The following DNAAF3 variants were observed in gnomAD, a reference collection of about 807,000 sequenced individuals.
The protein encoded by DNAAF3 is dynein axonemal assembly factor 3, also known as UPF0470 protein C19orf51.
In DNAAF3, 40 loss-of-function variants were observed where a neutral mutation model predicts 50.9. The observed-to-expected ratio is 0.79, with a 90% confidence interval of 0.61 to 1.02. DNAAF3 has a LOEUF of 1.02. DNAAF3 is among the 50% of genes least tolerant of loss of function. The pLI is 0.00. For missense variants in DNAAF3, 763 were observed against 744.7 expected, an observed-to-expected ratio of 1.02 and a Z score of -0.29; for synonymous variants, 327 against 322.8, an observed-to-expected ratio of 1.01 and a Z score of -0.14.
Position 55,161,016 on chromosome 19 carries a change from A to G in DNAAF3, c.912+49T>C. ...TGTGGGGGCGGGGCCTTGCGCACCC[A>G]CCGACCCCCAGCCCCACCTCTACCC... On this transcript the variant is annotated intron_variant, in intron 8 of 11. Transcript: ENST00000524407. This position sits in a 1 kb window ranked among gnomAD's most constrained non-coding sequence, Gnocchi z 6.4. 6.7e-7 allele frequency: 1 copy of G among 1,497,202 alleles called. No homozygotes were observed. The highest frequency in any genetic ancestry group is 8.9e-7 in the Non-Finnish European group (1 of 1,124,406). The allele number at this position is 1,497,202 out of a possible 1,614,324, so 92.7% of individuals were successfully genotyped here.
rs1234062775 is a variant in DNAAF3, at chr19:55,161,362, A to G, written c.720T>C (p.Phe240=). ...FRRWRDTGVA[F]ELRDSSAYHV... ...GATAGGCGCTGGAGTCCCTGAGTTC[A>G]AAGGCGACGCCTGTGTCCCGCCAGC... The change falls in exon 7 of 12, where the codon TTT becomes TTC. Residue 240 remains phenylalanine, a synonymous_variant. Coordinates refer to ENST00000524407, the MANE Select transcript of DNAAF3 (RefSeq NM_001256715.2). The surrounding 1 kb of genome is among the most constrained non-coding windows in gnomAD (Gnocchi z 6.4). The G allele has an allele frequency of 4.5e-6, 7 of 1,572,698 alleles. No homozygotes were observed. Among genetic ancestry groups the G allele is most frequent in the Non-Finnish European group, 5.2e-6 (6 of 1,155,620 alleles).
chr19:55,161,696 C>A lies in DNAAF3; in HGVS notation c.610G>T (p.Ala204Ser). 6.5e-7 allele frequency: 1 copy of A among 1,540,730 alleles called. No homozygotes were observed. The highest frequency in any genetic ancestry group is 8.7e-7 in the Non-Finnish European group (1 of 1,146,362). Residue 204 changes from alanine to serine, a missense_variant, in exon 6 of 12, where the codon GCC becomes TCC. By Grantham distance (99) the Ala-to-Ser change is moderately conservative (BLOSUM62 1). Transcript: ENST00000524407. This position sits in a 1 kb window ranked among gnomAD's most constrained non-coding sequence, Gnocchi z 6.4. ...TCCCAGTCGCTGACACCGCGCCGGG[C>A]GTCGTAGCGGGAGCCCAGGTAGTGG... Reference protein sequence around the residue: ...LRHYLGSRYDARRGVSDWDLR... With the variant: ...LRHYLGSRYDSRRGVSDWDLR...
Position 55,161,420 on chromosome 19 carries a change from TG to T in DNAAF3, c.664-3del. 1 of 548,130 alleles carries T rather than the reference TG, an allele frequency of 1.8e-6. No homozygotes were observed. Among genetic ancestry groups the T allele is most frequent in the Non-Finnish European group, 3.1e-6 (1 of 321,710 alleles). 34.0% of individuals were successfully genotyped at this position (548,130 alleles called of 1,614,324 possible). A position where few individuals can be genotyped will look rare whatever the true frequency, so the allele number is the denominator to read the frequency against. ...CTCCTGGGGGTGAATGACTTGAGCC[TG>T]GGGTGGGGGGCGGGAAGAAGGGAGC... On this transcript the variant is annotated splice_region_variant and splice_polypyrimidine_tract_variant and intron_variant, in intron 6 of 11. Transcript: ENST00000524407. This position sits in a 1 kb window ranked among gnomAD's most constrained non-coding sequence, Gnocchi z 6.4.
intron 4 of DNAAF3, among the ~76,000 whole-genome samples, chr19:55,164,593 C>T (rs2085903720): frequency 6.6e-6 from 1 of 150,794 alleles, no homozygotes; most frequent in Admixed American, 6.6e-5. Context: ...GGTGTGATCT[C>T]GGCTCACTGC....
At position 55,159,226 on chromosome 19, in the gene DNAAF3, G is replaced by C; in HGVS notation, c.1462C>G (p.Pro488Ala). The change falls in exon 12 of 12, where the codon CCA (proline) becomes GCA (alanine). Residue 488 changes from proline (P) to alanine (A), a missense_variant. Coordinates refer to ENST00000524407, the MANE Select transcript of DNAAF3 (RefSeq NM_001256715.2). ...ILAQPLEASN[P>A]ALEGLTQPLQ... ...GGCTGGGTCAGGCCCTCAAGGGCTG[G>C]GTTGCTGGCTTCAAGAGGCTGGGCC... The C allele has an allele frequency of 3.1e-6, 5 of 1,613,942 alleles. No individual in the cohort carries two copies. The highest frequency in any genetic ancestry group is 4.2e-6 in the Non-Finnish European group (5 of 1,180,010).
intron 4 of DNAAF3, 128 bp downstream of exon 4, chr19:55,165,242 C>T (rs1395249625): frequency 1.5e-5 from 13 of 885,364 alleles, no homozygotes; most frequent in South Asian, 3.0e-5. Flanking sequence ...GGCGCGATCT[C>T]GGCTCACTGT....
Position 55,159,873 on chromosome 19 carries a change from G to T in DNAAF3, c.1163+26C>A, listed in dbSNP as rs949349417. ...GCTGGGGGCCTGATCCTGGGTCTTTGTGAGCACAGCTGCCTCCCCGCTTAC... is the reference window on the plus strand; with the variant it reads ...GCTGGGGGCCTGATCCTGGGTCTTTTTGAGCACAGCTGCCTCCCCGCTTAC... On this transcript the variant is annotated intron_variant, in intron 10 of 11. Coordinates refer to ENST00000524407, the MANE Select transcript of DNAAF3 (RefSeq NM_001256715.2). 4.3e-6 allele frequency: 7 copies of T among 1,610,062 alleles called. No homozygotes were observed. The Admixed American group carries it at 6.7e-5, about 15-fold the overall frequency.
Position 55,160,511 on chromosome 19 carries a change from G to C in DNAAF3, c.1048+129C>G. The stretch of plus-strand genomic sequence containing the variant: ...AGAATTTAGGAAAGGGAGAGAAAGA[G>C]AGAAAAAGAGACAGAATATCAAGAA... On this transcript the variant is annotated intron_variant, in intron 9 of 11. Coordinates refer to ENST00000524407, the MANE Select transcript of DNAAF3 (RefSeq NM_001256715.2). The surrounding 1 kb of genome is among the most constrained non-coding windows in gnomAD (Gnocchi z 4.7). 1 of 1,475,548 alleles carries C rather than the reference G, an allele frequency of 6.8e-7. No individual in the cohort carries two copies. Among genetic ancestry groups the C allele is most frequent in the South Asian group, 1.2e-5 (1 of 83,576 alleles). The allele number at this position is 1,475,548 out of a possible 1,614,324, so 91.4% of individuals were successfully genotyped here. A position where few individuals can be genotyped will look rare whatever the true frequency, so the allele number is the denominator to read the frequency against.
intron 10 of DNAAF3, 31 bp downstream of exon 10, chr19:55,159,868 T>C (rs1414216359): frequency 6.2e-7 from 1 of 1,608,512 alleles, no homozygotes; most frequent in Non-Finnish European, 8.5e-7. Context: ...TGATCCTGGG[T>C]CTTTGTGAGC....
chr19:55,166,204 C>G lies in DNAAF3; in HGVS notation c.85+125G>C. The G allele has an allele frequency of 6.5e-7, 1 of 1,547,862 alleles. No homozygotes were observed. Among genetic ancestry groups the G allele is most frequent in the Non-Finnish European group, 8.7e-7 (1 of 1,146,598 alleles). ...CTGCCCCTGGGAGCGCGCCCTCTGC[C>G]GCTGGAGCGTTGGAGAACGTTAGCG... On this transcript the variant is annotated intron_variant, in intron 2 of 11. Coordinates refer to ENST00000524407, the MANE Select transcript of DNAAF3 (RefSeq NM_001256715.2). This position sits in a 1 kb window ranked among gnomAD's most constrained non-coding sequence, Gnocchi z 4.0.
chr19:55,166,591 C>T lies in DNAAF3; in HGVS notation c.-73G>A, dbSNP rs1381382175. The T allele has an allele frequency of 1.2e-6, 2 of 1,614,190 alleles. No individual in the cohort carries two copies. The highest frequency in any genetic ancestry group is 2.2e-5 in the South Asian group (2 of 91,088). ...AGTGCAGCACTGTGGACCCGCGGCA[C>T]TCCACAACCGCTGCCCAGAGTCCCC... On this transcript the variant is annotated 5_prime_UTR_variant, in exon 1 of 12. The change creates a new upstream start codon in the 5' untranslated region. Transcript: ENST00000524407. The surrounding 1 kb of genome is among the most constrained non-coding windows in gnomAD (Gnocchi z 4.0).
At chr19:55,164,077 C>T (rs915672707) in intron 4 of DNAAF3, among the ~76,000 whole-genome samples, 1 of 152,124 alleles carries the variant, frequency 6.6e-6, no homozygotes. Flanking sequence ...CTTTTCCTGC[C>T]GTGGAACAGA....
chr19:55,161,581 C>T lies in DNAAF3; in HGVS notation c.663+62G>A, dbSNP rs187217214. 12,900 of 1,485,594 alleles carry T rather than the reference C, an allele frequency of 8.7e-3. 92 individuals carry two copies. The highest frequency in any genetic ancestry group is 0.01 in the Non-Finnish European group (11,601 of 1,117,754). The allele number at this position is 1,485,594 out of a possible 1,614,324, so 92.0% of individuals were successfully genotyped here. ...CTCCTCCCTCAGACTCAGGAGGCCC[C>T]CAGCCCCTCCTCCCTCAGACCCAGG... On this transcript the variant is annotated intron_variant, in intron 6 of 11. Coordinates refer to ENST00000524407, the MANE Select transcript of DNAAF3 (RefSeq NM_001256715.2). This position sits in a 1 kb window ranked among gnomAD's most constrained non-coding sequence, Gnocchi z 6.4.
In DNAAF3 at chr19:55,161,197, G is replaced by A. The variant is rs1446981691; in HGVS notation, c.790-10C>T. 1 of 1,580,802 alleles carries A rather than the reference G, an allele frequency of 6.3e-7. No individual in the cohort carries two copies. Among genetic ancestry groups the A allele is most frequent in the African/African-American group, 1.3e-5 (1 of 74,182 alleles). On this transcript the variant is annotated splice_polypyrimidine_tract_variant and intron_variant, in intron 7 of 11. Transcript: ENST00000524407. This position sits in a 1 kb window ranked among gnomAD's most constrained non-coding sequence, Gnocchi z 6.4. ...CCACGCGCTCCCCACGCTGGAAAAG[G>A]AGGGAGAGAGGAGGCAGGTGAGGTC... is the stretch of plus-strand genomic sequence containing the variant.
At position 55,158,883 on chromosome 19, in the gene DNAAF3, A is replaced by C; in HGVS notation, c.*179T>G. ...TAGAATTCTAGGAATAGACCATAGA[A>C]TCTCAGAAATGGAATTTGAAAGTCT... On this transcript the variant is annotated 3_prime_UTR_variant, in exon 12 of 12. Transcript: ENST00000524407. 3.1e-6 allele frequency: 2 copies of C among 653,968 alleles called. No homozygotes were observed. Among genetic ancestry groups the C allele is most frequent in the Non-Finnish European group, 5.0e-6 (2 of 402,214 alleles). 40.5% of individuals were successfully genotyped at this position (653,968 alleles called of 1,614,324 possible).
chr19:55,159,782 C>T (rs1368282803), intron 10 of DNAAF3, 117 bp downstream of exon 10: 8 of 965,212 alleles, frequency 8.3e-6, no homozygotes, highest in Non-Finnish European at 1.0e-5. Context: ...GGGCTGGGGG[C>T]CTGGACCCCT....
rs2147295340 is a variant in DNAAF3 at position 55,160,996 on chromosome 19, G to A, written c.912+69C>T. 1 of 1,484,348 alleles carries A rather than the reference G, an allele frequency of 6.7e-7. No homozygotes were observed. Among genetic ancestry groups the A allele is most frequent in the Non-Finnish European group, 8.9e-7 (1 of 1,119,224 alleles). 91.9% of individuals were successfully genotyped at this position (1,484,348 alleles called of 1,614,324 possible). A position where few individuals can be genotyped will look rare whatever the true frequency, so the allele number is the denominator to read the frequency against. On this transcript the variant is annotated intron_variant, in intron 8 of 11. Transcript: ENST00000524407. The surrounding 1 kb of genome is among the most constrained non-coding windows in gnomAD (Gnocchi z 4.7). ...GAGCTGGGGGCGGGGCCTGCTGTGGGGGCGGGGCCTTGCGCACCCACCGAC... is the reference window on the plus strand; with the variant it reads ...GAGCTGGGGGCGGGGCCTGCTGTGGAGGCGGGGCCTTGCGCACCCACCGAC...
At chr19:55,165,634 C>A in intron 3 of DNAAF3, 171 bp from the exon 4 acceptor site, 1 of 913,594 alleles carries the variant, frequency 1.1e-6, no homozygotes, top group Non-Finnish European at 1.6e-6. Context: ...CCTTCCATTA[C>A]TCAGAAGACC....
At position 55,166,582 on chromosome 19, in the gene DNAAF3, C is replaced by T; in HGVS notation, c.-64G>A. On this transcript the variant is annotated 5_prime_UTR_variant, in exon 1 of 12. Coordinates refer to ENST00000524407, the MANE Select transcript of DNAAF3 (RefSeq NM_001256715.2). The surrounding 1 kb of genome is among the most constrained non-coding windows in gnomAD (Gnocchi z 4.0). Reference sequence around the variant, plus strand: ...TCTCTGCTCAGTGCAGCACTGTGGACCCGCGGCACTCCACAACCGCTGCCC... The same window carrying T: ...TCTCTGCTCAGTGCAGCACTGTGGATCCGCGGCACTCCACAACCGCTGCCC... 1 of 1,614,166 alleles carries T rather than the reference C, an allele frequency of 6.2e-7. No individual in the cohort carries two copies. The highest frequency in any genetic ancestry group is 8.5e-7 in the Non-Finnish European group (1 of 1,180,022).
Sources: gnomAD v4.1 joint callset for allele counts (sites outside exome capture counted in the v4.1 genomes callset) on GRCh38, gnomAD v4.1.1 for gene constraint, Gnocchi (gnomAD v3.1) non-coding constraint, MANE v1.5 for transcripts, NCBI Gene and HGNC (gene_info 2026-07-23, HGNC 2026-07-21) for gene names.